The following C10orf67 variants were observed in gnomAD, a reference collection of about 807,000 sequenced individuals.
C10orf67 encodes chromosome 10 open reading frame 67, also known as uncharacterized protein C10orf67, mitochondrial.
C10orf67 carries 60 observed loss-of-function variants against 35.6 expected under a neutral mutation model. The observed-to-expected ratio is 1.68, with a 90% confidence interval of 1.37 to 2.09. C10orf67 has a LOEUF of 2.09. C10orf67 is among the 30% of genes most tolerant of loss of function. The pLI, the probability that C10orf67 is intolerant of heterozygous loss-of-function variation, is 0.00. For missense variants in C10orf67, 474 were observed against 330.2 expected (o/e 1.44, Z -3.38); for synonymous variants, 167 against 115.8 (o/e 1.44, Z -2.84).
At chr10:23,330,276 A>G (rs185696455) in intron 2 of C10orf67, among the ~76,000 whole-genome samples, 2 of 152,020 alleles carry the variant, frequency 1.3e-5, no homozygotes, top group East Asian at 3.9e-4. Flanking sequence ...TGGGCAACAT[A>G]TTGAGACTCT....
intron 8 of C10orf67, among the ~76,000 whole-genome samples, chr10:23,269,850 T>C (rs573470517): frequency 1.0e-3 from 155 of 152,190 alleles, no homozygotes; most frequent in African/African-American, 3.7e-3. Flanking sequence ...CAAACGTGTA[T>C]GTGCCTAATA....
intron 13 of C10orf67, among the ~76,000 whole-genome samples, chr10:23,235,012 C>CAAAAAAAAAAAAAAAAAAAAAATAAAA (rs57049730): frequency 1.3e-5 from 1 of 76,048 alleles, no homozygotes; most frequent in Non-Finnish European, 2.6e-5. Context: ...AATTCCATCT[C>CAAAAAAAAAAAAAAAAAAAAAATAAAA]AAAAAAAAAA....
At chr10:23,342,396 G>A (rs970641878) in intron 1 of C10orf67, among the ~76,000 whole-genome samples, 10 of 151,978 alleles carry the variant, frequency 6.6e-5, no homozygotes, top group African/African-American at 2.4e-4. Flanking sequence ...CCGGGCTTTC[G>A]TCTGCTTTGT....
intron 4 of C10orf67, among the ~76,000 whole-genome samples, chr10:23,316,328 C>T (rs1265005837): frequency 1.3e-5 from 2 of 152,212 alleles, no homozygotes; most frequent in Non-Finnish European, 2.9e-5. Context: ...TAGGGGAACA[C>T]AGTGGCACCT....
intron 4 of C10orf67, among the ~76,000 whole-genome samples, chr10:23,319,901 G>C (rs1482133720): frequency 6.6e-6 from 1 of 152,198 alleles, no homozygotes; most frequent in Non-Finnish European, 1.5e-5. Flanking sequence ...AAGTGCCCCT[G>C]TCAGTAAAAA....
At chr10:23,285,031 A>G (rs911292295) in intron 7 of C10orf67, among the ~76,000 whole-genome samples, 24 of 152,188 alleles carry the variant, frequency 1.6e-4, no homozygotes, top group Admixed American at 1.3e-4. Flanking sequence ...AGGATATTGG[A>G]AAAAAACCAG....
At chr10:23,233,593 G>A (rs1168151219) in intron 13 of C10orf67, among the ~76,000 whole-genome samples, 2 of 152,172 alleles carry the variant, frequency 1.3e-5, no homozygotes, top group Non-Finnish European at 2.9e-5. Flanking sequence ...AAAGCAGAAA[G>A]TAGTTAACCA....
intron 8 of C10orf67, among the ~76,000 whole-genome samples, chr10:23,274,010 G>A (rs12246990): frequency 0.13 from 20,519 of 152,082 alleles, 2,643 homozygotes; most frequent in East Asian, 0.66. Context: ...TTTATAGCTG[G>A]GCCTCCGGAG....
intron 2 of C10orf67, among the ~76,000 whole-genome samples, chr10:23,327,580 A>C (rs1275200444): frequency 6.6e-6 from 1 of 152,152 alleles, no homozygotes; most frequent in Non-Finnish European, 1.5e-5. Flanking sequence ...TAATCCCAGC[A>C]CTTTGTGGGG....
At chr10:23,240,529 G>A (rs10508658) in intron 12 of C10orf67, among the ~76,000 whole-genome samples, 29,994 of 152,100 alleles carry the variant, frequency 0.2, 3,755 homozygotes, top group Non-Finnish European at 0.28. Flanking sequence ...AAGAACTACA[G>A]TGTGTTGAAA....
At position 23,322,642 on chromosome 10, in the gene C10orf67, T is replaced by A. The variant is rs554425380; in HGVS notation, c.328-105A>T. The A allele has an allele frequency of 4.3e-4, 299 of 695,744 alleles. 3 individuals carry two copies. In the South Asian group the frequency reaches 4.5e-3, roughly 10 times the overall value. 43.1% of individuals were successfully genotyped at this position (695,744 alleles called of 1,614,324 possible). ...GGGAGCAAAATGATGAGAACTCATG[T>A]GCACAAAGAGGGGAGCAACACACAC... On this transcript the variant is annotated intron_variant, in intron 2 of 15. Transcript: ENST00000636213.
chr10:23,233,447 A>T (rs953715480), intron 13 of C10orf67, among the ~76,000 whole-genome samples: 2 of 152,244 alleles, frequency 1.3e-5, no homozygotes, highest in African/African-American at 4.8e-5. Context: ...TTCATGGTCC[A>T]GTTTATAAGA....
intron 12 of C10orf67, among the ~76,000 whole-genome samples, chr10:23,242,511 C>G (rs1043224161): frequency 1.3e-5 from 2 of 151,934 alleles, no homozygotes; most frequent in African/African-American, 2.4e-5. Flanking sequence ...AGAAGCCCAA[C>G]AAACAGTAAA....
chr10:23,318,617 G>A (rs1286538172), intron 4 of C10orf67: 5 of 348,096 alleles, frequency 1.4e-5, no homozygotes, highest in African/African-American at 2.1e-5. Flanking sequence ...TTGCACAAGA[G>A]CAGGTAAGTG....
At chr10:23,212,796 A>AGATC (rs1841342342) in intron 15 of C10orf67, among the ~76,000 whole-genome samples, 1 of 151,142 alleles carries the variant, frequency 6.6e-6, no homozygotes, top group South Asian at 2.1e-4. Flanking sequence ...AGAGAGAGAG[A>AGATC]GAGAGAGAGA....
In C10orf67 at chr10:23,322,596, G is replaced by A. The variant is rs544207037; in HGVS notation, c.328-59C>T. On this transcript the variant is annotated intron_variant, in intron 2 of 15. Coordinates refer to ENST00000636213, the MANE Select transcript of C10orf67 (RefSeq NM_001371909.1). ...ACACAGGAACAGAAAACCAAATACT[G>A]CATGTTGTCACTTGCTAAGTGGGAG... 7 of 1,166,154 alleles carry A rather than the reference G, an allele frequency of 6.0e-6. No homozygotes were observed. In the African/African-American group the frequency reaches 7.7e-5, roughly 13 times the overall value. 72.2% of individuals were successfully genotyped at this position (1,166,154 alleles called of 1,614,324 possible).
chr10:23,262,662 T>A (rs1842783749), intron 10 of C10orf67, among the ~76,000 whole-genome samples: 1 of 152,350 alleles, frequency 6.6e-6, no homozygotes, highest in East Asian at 1.9e-4. Flanking sequence ...CCTTTTCAGT[T>A]GGTTTTTGAC....
intron 1 of C10orf67, among the ~76,000 whole-genome samples, chr10:23,341,942 C>G (rs1241288985): frequency 2.6e-5 from 4 of 152,158 alleles, no homozygotes; most frequent in African/African-American, 9.7e-5. Context: ...GAGGCCGAGG[C>G]TGGAGGACTG....
chr10:23,318,987 G>T, intron 4 of C10orf67: 1 of 728,920 alleles, frequency 1.4e-6, no homozygotes, highest in South Asian at 1.5e-5. Flanking sequence ...GGTCTTCCAT[G>T]AGAACCCTTT....
Sources: allele counts gnomAD v4.1 joint callset (sites outside exome capture counted in the v4.1 genomes callset), GRCh38; gene constraint gnomAD v4.1.1; transcripts MANE v1.5; gene names NCBI Gene and HGNC (gene_info 2026-07-23, HGNC 2026-07-21).